Variants in CES5A observed in about 807,000 individuals in gnomAD.
The protein encoded by CES5A is carboxylesterase 5A.
CES5A carries 67 observed loss-of-function variants against 62.9 expected under a neutral mutation model. That is an observed-to-expected ratio of 1.07 (90% confidence interval 0.88 to 1.31). The LOEUF (loss-of-function observed/expected upper bound fraction) is 1.31, where lower values mean the gene tolerates loss of function less well. Among genes scored for constraint, CES5A ranks in the 50% most tolerant of loss-of-function variants. The pLI is 0.00. For missense variants in CES5A, 748 were observed against 708.5 expected (o/e 1.06, Z -0.63); for synonymous variants, 296 against 280.8 (o/e 1.05, Z -0.54).
At position 55,955,528 on chromosome 16, in the gene CES5A, C is replaced by G. The variant is rs1374345153; in HGVS notation, c.42+316G>C. On this transcript the variant is annotated intron_variant, in intron 1 of 13. Coordinates refer to the CES5A transcript ENST00000521992. ...CATTAGCAATAAGGAGCTTGACGCTCCATTACCCACAATAAATTTCACTGC... is the reference window on the plus strand; with the variant it reads ...CATTAGCAATAAGGAGCTTGACGCTGCATTACCCACAATAAATTTCACTGC... Among the ~76,000 whole-genome samples the G allele has an allele frequency of 2.0e-5, 3 of 152,198 alleles. 1 individual carries two copies. The highest frequency in any genetic ancestry group is 7.2e-5 in the African/African-American group (3 of 41,456).
intron 3 of CES5A, 92 bp downstream of exon 3, chr16:55,871,533 T>A: frequency 2.8e-6 from 4 of 1,416,758 alleles, no homozygotes. Context: ...CAACAGGGGG[T>A]AGTTCCAATT....
At chr16:55,953,660 G>A (rs2034580639) in intron 1 of CES5A, among the ~76,000 whole-genome samples, 1 of 152,166 alleles carries the variant, frequency 6.6e-6, no homozygotes, top group African/African-American at 2.4e-5. Context: ...TTACTAGGTG[G>A]AGTAGAGCTT....
chr16:55,858,988 G>A (rs1369062633), intron 8 of CES5A, among the ~76,000 whole-genome samples: 10 of 151,988 alleles, frequency 6.6e-5, no homozygotes, highest in Non-Finnish European at 1.0e-4. Flanking sequence ...TCTCAATCTC[G>A]TGTCTTATCT....
At chr16:55,888,789 C>T (rs1466085671) in intron 1 of CES5A, among the ~76,000 whole-genome samples, 1 of 152,166 alleles carries the variant, frequency 6.6e-6, no homozygotes. Context: ...GGCTAAGACA[C>T]AGAAAGGTTA....
chr16:55,864,206 A>G (rs754979302), intron 5 of CES5A, among the ~76,000 whole-genome samples: 1 of 152,220 alleles, frequency 6.6e-6, no homozygotes, highest in Non-Finnish European at 1.5e-5. Context: ...AATGGTTGTT[A>G]TAATATATGA....
rs2034309840 is a variant in CES5A, at chr16:55,931,350, G to T, written c.160+18435C>A. On this transcript the variant is annotated intron_variant, in intron 2 of 13. Transcript: ENST00000521992. ...ACAGAGGCAAGATCCTTTAACCAAAGGTCCTCCACCTCACCATGATGCCCA... is the reference window on the plus strand; with the variant it reads ...ACAGAGGCAAGATCCTTTAACCAAATGTCCTCCACCTCACCATGATGCCCA... Among the ~76,000 whole-genome samples the T allele has an allele frequency of 4.6e-5, 7 of 152,262 alleles. No individual in the cohort carries two copies. In the South Asian group the frequency reaches 1.5e-3, roughly 32 times the overall value.
rs561575631 is a variant in CES5A, at chr16:55,931,739, G to A, written c.160+18046C>T. On this transcript the variant is annotated intron_variant, in intron 2 of 13. Transcript: ENST00000521992. ...ACCTTCCCCCAAATTAGGTTAGATTGGGTTGCAAACCCACTGCACCCTGAC... is the reference window on the plus strand; with the variant it reads ...ACCTTCCCCCAAATTAGGTTAGATTAGGTTGCAAACCCACTGCACCCTGAC... Among the ~76,000 whole-genome samples, 3 of 152,276 alleles carry A rather than the reference G, an allele frequency of 2.0e-5. No homozygotes were observed. The East Asian group carries it at 5.8e-4, about 29-fold the overall frequency.
intron 1 of CES5A, among the ~76,000 whole-genome samples, chr16:55,886,203 G>A (rs2033813819): frequency 6.6e-6 from 1 of 152,182 alleles, no homozygotes; most frequent in Non-Finnish European, 1.5e-5. Flanking sequence ...CCAATTTTAA[G>A]CAATATACTT....
At chr16:55,866,502 A>G (rs1261174731) in intron 4 of CES5A, among the ~76,000 whole-genome samples, 3 of 151,896 alleles carry the variant, frequency 2.0e-5, no homozygotes, top group African/African-American at 7.3e-5. Context: ...AGAATTTTCC[A>G]TGAAACTAAA....
intron 1 of CES5A, among the ~76,000 whole-genome samples, chr16:55,906,808 C>T (rs1413223534): frequency 2.6e-5 from 4 of 152,184 alleles, no homozygotes; most frequent in African/African-American, 9.7e-5. Context: ...AGGAGGACCA[C>T]CTTGGCTAAA....
At chr16:55,944,063 T>A in intron 2 of CES5A, 1 of 702,188 alleles carries the variant, frequency 1.4e-6, no homozygotes, top group Non-Finnish European at 2.6e-6. Context: ...TGCAGAGAAG[T>A]GACCAAGACC....
chr16:55,857,980 A>G (rs1218793213), intron 8 of CES5A, among the ~76,000 whole-genome samples: 1 of 152,176 alleles, frequency 6.6e-6, no homozygotes, highest in Non-Finnish European at 1.5e-5. Flanking sequence ...GGATCACTTG[A>G]GGTCAGGAGT....
intron 7 of CES5A, among the ~76,000 whole-genome samples, chr16:55,860,451 G>T (rs796160213): frequency 2.9e-5 from 4 of 136,232 alleles, no homozygotes; most frequent in African/African-American, 1.3e-4. Flanking sequence ...TCTGGGGTTG[G>T]GGTGTATAGC....
intron 5 of CES5A, among the ~76,000 whole-genome samples, chr16:55,865,649 C>G (rs1461309514): frequency 6.6e-6 from 1 of 152,118 alleles, no homozygotes; most frequent in African/African-American, 2.4e-5. Context: ...GCTGAGTTTC[C>G]TATTAAACAA....
chr16:55,912,557 GATGGATGAGGAC>G (rs1465139148), intron 1 of CES5A, among the ~76,000 whole-genome samples: 1 of 151,500 alleles, frequency 6.6e-6, no homozygotes, highest in Non-Finnish European at 1.5e-5. Flanking sequence ...AGGAGAATGA[GATGGATGAGGAC>G]ATGGAGGAGG....
chr16:55,871,148 A>G (rs563251489), intron 3 of CES5A, among the ~76,000 whole-genome samples: 1 of 152,210 alleles, frequency 6.6e-6, no homozygotes, highest in Non-Finnish European at 1.5e-5. Flanking sequence ...AGAGAAGAGG[A>G]TGAGAGGGTG....
chr16:55,896,950 G>T (rs1429733398), intron 1 of CES5A, among the ~76,000 whole-genome samples: 1 of 152,198 alleles, frequency 6.6e-6, no homozygotes, highest in Non-Finnish European at 1.5e-5. Flanking sequence ...TACCTGAGGA[G>T]AGTAGTGTTT....
chr16:55,948,906 G>A (rs747050820), intron 2 of CES5A, among the ~76,000 whole-genome samples: 1 of 152,192 alleles, frequency 6.6e-6, no homozygotes, highest in Non-Finnish European at 1.5e-5. Context: ...AATAGATGTA[G>A]TTGCCATTTT....
chr16:55,950,426 A>G (rs2034542340), intron 1 of CES5A, among the ~76,000 whole-genome samples: 1 of 152,228 alleles, frequency 6.6e-6, no homozygotes, highest in South Asian at 2.1e-4. Context: ...CAAAATTATC[A>G]GATGAAGGTC....
Sources: gnomAD v4.1 joint callset for allele counts (sites outside exome capture counted in the v4.1 genomes callset) on GRCh38, gnomAD v4.1.1 for gene constraint, MANE v1.5 for transcripts, NCBI Gene and HGNC (gene_info 2026-07-23, HGNC 2026-07-21) for gene names.